Variants in SLC26A9 observed in about 807,000 individuals in gnomAD.
SLC26A9 encodes solute carrier family 26 member 9.
A neutral mutation model predicts 87.1 loss-of-function variants in SLC26A9; 46 were observed. The ratio of observed to expected loss-of-function variants is 0.53; its 90% confidence interval spans 0.42 to 0.67. The LOEUF (loss-of-function observed/expected upper bound fraction) is 0.67. Ranked by LOEUF, SLC26A9 falls within the 30% of genes least tolerant of loss-of-function variation. SLC26A9 has a pLI of 0.00. For synonymous variants in SLC26A9, 437 were observed against 409.1 expected, an observed-to-expected ratio of 1.07 and a Z score of -0.82; for missense variants, 927 against 1,018.3, an observed-to-expected ratio of 0.91 and a Z score of 1.22.
At chr1:205,940,092 G>A (rs1308867781) in intron 1 of SLC26A9, among the ~76,000 whole-genome samples, 1 of 152,204 alleles carries the variant, frequency 6.6e-6, no homozygotes, top group African/African-American at 2.4e-5. Context: ...AGGGTTTAAG[G>A]GGAGTAGGGG....
At chr1:205,933,421 G>T (rs937705575) in intron 2 of SLC26A9, among the ~76,000 whole-genome samples, 1 of 152,162 alleles carries the variant, frequency 6.6e-6, no homozygotes, top group African/African-American at 2.4e-5. Flanking sequence ...AGTCTCCTCT[G>T]AGTCCTGTCT....
Position 205,929,326 on chromosome 1 carries a change from G to C in SLC26A9, c.748C>G (p.His250Asp), listed in dbSNP as rs143411715. The change falls in exon 7 of 21, where the codon CAC becomes GAC. Residue 250 changes from histidine (H) to aspartate (D), a missense_variant. Coordinates refer to ENST00000367135, the MANE Select transcript of SLC26A9 (RefSeq NM_052934.4). Reference protein sequence around the residue: ...TFIDICKNLPHTNIASLIFAL... With the variant: ...TFIDICKNLPDTNIASLIFAL... ...AAGATGAGCGAGGCGATGTTGGTGTGGGGGAGGTTTTTGCAAATGTCAATG... is the reference window on the plus strand; with the variant it reads ...AAGATGAGCGAGGCGATGTTGGTGTCGGGGAGGTTTTTGCAAATGTCAATG... 1.9e-6 allele frequency: 3 copies of C among 1,614,190 alleles called. No individual in the cohort carries two copies. Among genetic ancestry groups the C allele is most frequent in the Middle Eastern group, 1.7e-4 (1 of 6,056 alleles).
Position 205,914,926 on chromosome 1 carries a change from G to T in SLC26A9, c.*431C>A. The stretch of plus-strand genomic sequence containing the variant: ...TGACAGCCTGACACCATCTGACACC[G>T]AGCCGTGTGGGCTCTGGGACACTTT... On this transcript the variant is annotated 3_prime_UTR_variant, in exon 21 of 21. Transcript: ENST00000367135. 1 of 1,613,934 alleles carries T rather than the reference G, an allele frequency of 6.2e-7. No homozygotes were observed. Among genetic ancestry groups the T allele is most frequent in the East Asian group, 2.2e-5 (1 of 44,886 alleles).
At chr1:205,939,677 T>C (rs1042638120) in intron 1 of SLC26A9, among the ~76,000 whole-genome samples, 2 of 145,598 alleles carry the variant, frequency 1.4e-5, no homozygotes, top group African/African-American at 5.1e-5. Flanking sequence ...GGAGGAGGAG[T>C]CTCAGAGAAC....
Position 205,917,333 on chromosome 1 carries a change from A to G in SLC26A9, c.2278T>C (p.Ser760Pro). 6.2e-7 allele frequency: 1 copy of G among 1,614,044 alleles called. No homozygotes were observed. The highest frequency in any genetic ancestry group is 8.5e-7 in the Non-Finnish European group (1 of 1,179,984). The change falls in exon 20 of 21, where the codon TCC (serine) becomes CCC (proline). Residue 760 changes from serine (S) to proline (P), a missense_variant. Ser to Pro is a moderately conservative substitution (Grantham distance 74). Transcript: ENST00000367135. ...FQGAPGDAEL[S>P]LYDSEEDIRS... ...ATGTCCTCCTCTGAGTCGTACAAGG[A>G]GAGCTCAGCATCCCCTGGAGCCTGG...
chr1:205,929,320 T>C lies in SLC26A9; in HGVS notation c.754A>G (p.Asn252Asp). 1.2e-6 allele frequency: 2 copies of C among 1,614,200 alleles called. No homozygotes were observed. Among genetic ancestry groups the C allele is most frequent in the Non-Finnish European group, 8.5e-7 (1 of 1,180,018 alleles). ...IDICKNLPHT[N>D]IASLIFALIS... ...AGAGCGAAGATGAGCGAGGCGATGTTGGTGTGGGGGAGGTTTTTGCAAATG... is the reference window on the plus strand; with the variant it reads ...AGAGCGAAGATGAGCGAGGCGATGTCGGTGTGGGGGAGGTTTTTGCAAATG... The change falls in exon 7 of 21, where the codon AAC becomes GAC. Residue 252 changes from asparagine to aspartate, a missense_variant. Asn to Asp is a conservative substitution (Grantham distance 23, BLOSUM62 1). Transcript: ENST00000367135.
intron 12 of SLC26A9, among the ~76,000 whole-genome samples, chr1:205,925,637 T>TG (rs1439258193): frequency 6.6e-6 from 1 of 152,124 alleles, no homozygotes; most frequent in Non-Finnish European, 1.5e-5. Context: ...CTGCCCTAGG[T>TG]GGGTGAGACT....
At chr1:205,936,776 G>A (rs2102602068) in intron 1 of SLC26A9, among the ~76,000 whole-genome samples, 1 of 152,286 alleles carries the variant, frequency 6.6e-6, no homozygotes, top group South Asian at 2.1e-4. Context: ...GCTGTGGCCA[G>A]TTTGGCAAAA....
rs1659108331 is a variant in SLC26A9 at position 205,927,207 on chromosome 1, T to C, written c.1293+4A>G. On this transcript the variant is annotated splice_donor_region_variant and intron_variant, in intron 11 of 20. Transcript: ENST00000367135. ...TGACTTCTGCTCGATGGCTGGGCTC[T>C]TACCTTAGGGAGAGGATACAGATAG... 1 of 1,613,984 alleles carries C rather than the reference T, an allele frequency of 6.2e-7. No individual in the cohort carries two copies. The highest frequency in any genetic ancestry group is 1.3e-5 in the African/African-American group (1 of 74,912).
chr1:205,932,922 C>A (rs923424023), intron 3 of SLC26A9, 23 bp downstream of exon 3: 18 of 1,613,258 alleles, frequency 1.1e-5, no homozygotes, highest in Non-Finnish European at 1.4e-5. Flanking sequence ...GCAATCCAGG[C>A]CTGGCTGAAG....
Position 205,914,913 on chromosome 1 carries a change from A to G in SLC26A9, c.*444T>C. 2 of 1,613,416 alleles carry G rather than the reference A, an allele frequency of 1.2e-6. No homozygotes were observed. The highest frequency in any genetic ancestry group is 1.7e-6 in the Non-Finnish European group (2 of 1,179,564). Reference sequence around the variant, plus strand: ...ATCCCTATGTCCGTGACAGCCTGACACCATCTGACACCGAGCCGTGTGGGC... The same window carrying G: ...ATCCCTATGTCCGTGACAGCCTGACGCCATCTGACACCGAGCCGTGTGGGC... On this transcript the variant is annotated 3_prime_UTR_variant, in exon 21 of 21. Coordinates refer to ENST00000367135, the MANE Select transcript of SLC26A9 (RefSeq NM_052934.4).
chr1:205,917,200 G>A, intron 20 of SLC26A9, 83 bp downstream of exon 20: 1 of 1,396,944 alleles, frequency 7.2e-7, no homozygotes, highest in South Asian at 1.2e-5. Context: ...AGACAGCTGA[G>A]TGAACGCCTT....
chr1:205,916,372 C>T (rs1658591477), intron 20 of SLC26A9, among the ~76,000 whole-genome samples: 1 of 152,224 alleles, frequency 6.6e-6, no homozygotes, highest in Non-Finnish European at 1.5e-5. Flanking sequence ...GCTGGGATTA[C>T]AGGTGTGAAC....
At position 205,923,301 on chromosome 1, in the gene SLC26A9, C is replaced by T. The variant is rs754847094; in HGVS notation, c.1659+34G>A. The T allele has an allele frequency of 1.5e-5, 25 of 1,613,124 alleles. No individual in the cohort carries two copies. In the South Asian group the frequency reaches 2.4e-4, roughly 16 times the overall value. ...CTTCCATTTTCCGGCCACTCTCTGT[C>T]CAGAGCCTCTGGTCGCCAGGGACTG... is the stretch of plus-strand genomic sequence containing the variant. On this transcript the variant is annotated intron_variant, in intron 15 of 20. Coordinates refer to ENST00000367135, the MANE Select transcript of SLC26A9 (RefSeq NM_052934.4).
chr1:205,916,501 C>T (rs547868686), intron 20 of SLC26A9, among the ~76,000 whole-genome samples: 2 of 152,318 alleles, frequency 1.3e-5, no homozygotes, highest in East Asian at 1.9e-4. Flanking sequence ...AAGGCAGAGG[C>T]CTTTGTTTTG....
chr1:205,919,048 G>C (rs912389664), intron 18 of SLC26A9, 63 bp from the exon 19 acceptor site: 2 of 1,597,880 alleles, frequency 1.3e-6, no homozygotes, highest in African/African-American at 2.7e-5. Flanking sequence ...GCTGGGGGTG[G>C]GGAAGATAGT....
chr1:205,935,882 C>G (rs1659491381), intron 1 of SLC26A9, 44 bp from the exon 2 acceptor site: 3 of 1,567,560 alleles, frequency 1.9e-6, no homozygotes, highest in African/African-American at 2.7e-5. Flanking sequence ...AACATCCCTC[C>G]CTAGTGCCAG....
chr1:205,921,503 G>A (rs1658825262), intron 17 of SLC26A9, 63 bp downstream of exon 17: 10 of 1,541,386 alleles, frequency 6.5e-6, no homozygotes, highest in Non-Finnish European at 7.0e-6. Context: ...CCAGGAAAGG[G>A]AATGTGGAGA....
rs138251525 is a variant in SLC26A9 at position 205,917,318 on chromosome 1, C to T, written c.2293G>A (p.Glu765Lys). ...GDAELSLYDS[E>K]EDIRSYWDLE... ...TCCCAGTAGCTGCGAATGTCCTCCT[C>T]TGAGTCGTACAAGGAGAGCTCAGCA... The change falls in exon 20 of 21, where the codon GAG becomes AAG. Residue 765 changes from glutamate (E) to lysine (K), a missense_variant. Physicochemically the swap from Glu to Lys is moderately conservative, Grantham distance 56. Coordinates refer to ENST00000367135, the MANE Select transcript of SLC26A9 (RefSeq NM_052934.4). The T allele has an allele frequency of 2.5e-6, 4 of 1,613,922 alleles. No homozygotes were observed. The highest frequency in any genetic ancestry group is 3.4e-6 in the Non-Finnish European group (4 of 1,180,018).
Sources: gnomAD v4.1 joint callset for allele counts (sites outside exome capture counted in the v4.1 genomes callset) on GRCh38, gnomAD v4.1.1 for gene constraint, MANE v1.5 for transcripts, NCBI Gene and HGNC (gene_info 2026-07-23, HGNC 2026-07-21) for gene names.